Variants in SRPK1 observed in about 807,000 individuals in gnomAD.
The protein encoded by SRPK1 is SRSF protein kinase 1, also known as SFRS protein kinase 1.
A neutral mutation model predicts 89.5 loss-of-function variants in SRPK1; 52 were observed. That is an observed-to-expected ratio of 0.58 (90% CI 0.46 to 0.73). SRPK1 has a LOEUF of 0.73. SRPK1 is among the 30% of genes least tolerant of loss of function. SRPK1 has a pLI of 0.00. For missense variants in SRPK1, 603 were observed against 780.6 expected, an observed-to-expected ratio of 0.77 and a Z score of 2.71; for synonymous variants, 255 against 270.2, an observed-to-expected ratio of 0.94 and a Z score of 0.55.
At chr6:35,843,696 G>A (rs1581990117) in intron 13 of SRPK1, among the ~76,000 whole-genome samples, 2 of 151,288 alleles carry the variant, frequency 1.3e-5, no homozygotes, top group East Asian at 4.0e-4. Context: ...TGATCCACCC[G>A]CCTCTGCCTC....
intron 13 of SRPK1, among the ~76,000 whole-genome samples, chr6:35,850,006 C>G (rs900182657): frequency 6.6e-6 from 1 of 151,818 alleles, no homozygotes; most frequent in Non-Finnish European, 1.5e-5. Context: ...AAATCTAAAA[C>G]AATTTAACTC....
intron 2 of SRPK1, among the ~76,000 whole-genome samples, chr6:35,892,004 AT>A (rs1770527917): frequency 6.6e-6 from 1 of 152,182 alleles, no homozygotes; most frequent in African/African-American, 2.4e-5. Flanking sequence ...CAGAACAACT[AT>A]TAACATTTTG....
chr6:35,894,390 G>A (rs145102629), intron 2 of SRPK1, among the ~76,000 whole-genome samples: 57 of 152,010 alleles, frequency 3.7e-4, no homozygotes, highest in African/African-American at 1.3e-3. Context: ...TCTCATAATC[G>A]CCCATTATCC....
At chr6:35,873,206 T>G (rs1770071460) in intron 7 of SRPK1, among the ~76,000 whole-genome samples, 1 of 152,228 alleles carries the variant, frequency 6.6e-6, no homozygotes, top group African/African-American at 2.4e-5. Flanking sequence ...AAATCTATAC[T>G]GTATATTGAA....
intron 13 of SRPK1, among the ~76,000 whole-genome samples, chr6:35,844,152 C>T (rs375121445): frequency 2.8e-4 from 42 of 151,954 alleles, no homozygotes; most frequent in African/African-American, 9.9e-4. Context: ...CTACAGGTGC[C>T]CGCCACCAAG....
Position 35,907,705 on chromosome 6 carries a change from CAAAAAAT to C in SRPK1, c.74+12756_74+12762del, listed in dbSNP as rs543326003. Among the ~76,000 whole-genome samples, 324 of 128,812 alleles carry C rather than the reference CAAAAAAT, an allele frequency of 2.5e-3. 6 individuals carry two copies. The highest frequency in any genetic ancestry group is 4.1e-3 in the African/African-American group (143 of 34,870). 84.5% of individuals were successfully genotyped at this position (128,812 alleles called of 152,430 possible). A position where few individuals can be genotyped will look rare whatever the true frequency, so the allele number is the denominator to read the frequency against. ...GGGCAATGAGAACAAAACTCCGTCT[CAAAAAAT>C]AAAAAATAAAAAATAAAAAATAAGT... On this transcript the variant is annotated intron_variant, in intron 2 of 15. Coordinates refer to ENST00000373825, the MANE Select transcript of SRPK1 (RefSeq NM_003137.5).
At chr6:35,868,398 T>G (rs1432833974) in intron 12 of SRPK1, among the ~76,000 whole-genome samples, 1 of 152,182 alleles carries the variant, frequency 6.6e-6, no homozygotes, top group Non-Finnish European at 1.5e-5. Context: ...ACACTATACA[T>G]CATAAAGCCC....
At chr6:35,841,457 T>C (rs889663295) in intron 14 of SRPK1, among the ~76,000 whole-genome samples, 1 of 152,164 alleles carries the variant, frequency 6.6e-6, no homozygotes, top group Admixed American at 6.5e-5. Flanking sequence ...ATGCTCTACA[T>C]TGGGAGGGTA....
chr6:35,837,844 C>T (rs930068752), intron 15 of SRPK1, among the ~76,000 whole-genome samples: 1 of 149,912 alleles, frequency 6.7e-6, no homozygotes, highest in Non-Finnish European at 1.5e-5. Context: ...AGGCGTGAGC[C>T]ACCATGCCTG....
Position 35,857,242 on chromosome 6 carries a change from C to T in SRPK1, c.1620+19G>A, listed in dbSNP as rs531962877. On this transcript the variant is annotated intron_variant, in intron 13 of 15. Coordinates refer to ENST00000373825, the MANE Select transcript of SRPK1 (RefSeq NM_003137.5). ...TATGTACCACTTAACAAGTGAAAGCCAAGGGGAAAAAACATTACCATGCAT... is the reference window on the plus strand; with the variant it reads ...TATGTACCACTTAACAAGTGAAAGCTAAGGGGAAAAAACATTACCATGCAT... The T allele has an allele frequency of 1.3e-6, 2 of 1,586,524 alleles. No homozygotes were observed. Among genetic ancestry groups the T allele is most frequent in the South Asian group, 1.1e-5 (1 of 88,572 alleles).
chr6:35,903,403 T>G (rs1476660070), intron 2 of SRPK1, among the ~76,000 whole-genome samples: 2 of 151,966 alleles, frequency 1.3e-5, no homozygotes, highest in Non-Finnish European at 2.9e-5. Flanking sequence ...TCCCAGCTAC[T>G]TGGGAGGCTG....
At chr6:35,880,236 A>T (rs759934035) in intron 6 of SRPK1, among the ~76,000 whole-genome samples, 6 of 152,128 alleles carry the variant, frequency 3.9e-5, no homozygotes, top group Non-Finnish European at 8.8e-5. Flanking sequence ...AAATGAAAAA[A>T]TTAACTAGAG....
intron 13 of SRPK1, among the ~76,000 whole-genome samples, chr6:35,844,752 G>A (rs1299997205): frequency 6.6e-6 from 1 of 151,882 alleles, no homozygotes; most frequent in Non-Finnish European, 1.5e-5. Flanking sequence ...AAGCAACAGA[G>A]AAACAAATCA....
chr6:35,909,537 G>A (rs1318033760), intron 2 of SRPK1, among the ~76,000 whole-genome samples: 1 of 152,222 alleles, frequency 6.6e-6, no homozygotes, highest in Non-Finnish European at 1.5e-5. Flanking sequence ...GGGGATAGTT[G>A]GGAAGGCATG....
At chr6:35,920,999 C>T in intron 1 of SRPK1, 45 bp downstream of exon 1, 1 of 1,530,270 alleles carries the variant, frequency 6.5e-7, no homozygotes, top group Non-Finnish European at 8.8e-7. Flanking sequence ...GGGCCTCGCC[C>T]CGGCGACCAT....
intron 12 of SRPK1, among the ~76,000 whole-genome samples, chr6:35,862,250 A>G (rs1769796836): frequency 6.6e-6 from 1 of 152,116 alleles, no homozygotes; most frequent in South Asian, 2.1e-4. Flanking sequence ...TAACACTGGA[A>G]TCAACGCTCT....
At chr6:35,873,337 G>A (rs373784986) in intron 7 of SRPK1, among the ~76,000 whole-genome samples, 2 of 152,106 alleles carry the variant, frequency 1.3e-5, no homozygotes, top group South Asian at 2.1e-4. Context: ...TTCTGGATAA[G>A]GGCTCCAATG....
At chr6:35,882,824 C>T (rs1770324503) in intron 6 of SRPK1, among the ~76,000 whole-genome samples, 1 of 151,824 alleles carries the variant, frequency 6.6e-6, no homozygotes, top group South Asian at 2.1e-4. Context: ...AATTTCCCCA[C>T]CCGAGATGGA....
At chr6:35,865,437 C>CA (rs1237901170) in intron 12 of SRPK1, among the ~76,000 whole-genome samples, 9 of 151,470 alleles carry the variant, frequency 5.9e-5, no homozygotes, top group Admixed American at 2.0e-4. Context: ...CACAGAATTA[C>CA]AAAAAACAAT....
Sources: allele counts gnomAD v4.1 joint callset (sites outside exome capture counted in the v4.1 genomes callset), GRCh38; gene constraint gnomAD v4.1.1; transcripts MANE v1.5; gene names NCBI Gene and HGNC (gene_info 2026-07-23, HGNC 2026-07-21).